Variants in MACROD1 observed in about 807,000 individuals in gnomAD.
The protein encoded by MACROD1 is ADP-ribose glycohydrolase MACROD1.
Under a neutral mutation model 41.4 loss-of-function variants are expected in MACROD1, and 31 were observed. That is an observed-to-expected ratio of 0.75 (90% CI 0.56 to 1.01). The LOEUF (loss-of-function observed/expected upper bound fraction) is 1.01, where lower values mean the gene tolerates loss of function less well. Among genes scored for constraint, MACROD1 ranks in the 50% least tolerant of loss-of-function variants. MACROD1 has a pLI of 0.00. For synonymous variants in MACROD1, 252 were observed against 203.4 expected (o/e 1.24, Z -2.03); for missense variants, 473 against 460.0 (o/e 1.03, Z -0.26).
intron 3 of MACROD1, among the ~76,000 whole-genome samples, chr11:64,037,978 G>A (rs1943414488): frequency 6.6e-6 from 1 of 152,188 alleles, no homozygotes; most frequent in South Asian, 2.1e-4. Context: ...GATTCTCAAG[G>A]GCTGAGGGTA....
intron 3 of MACROD1, among the ~76,000 whole-genome samples, chr11:64,050,193 C>T (rs1193008978): frequency 6.6e-6 from 1 of 152,122 alleles, no homozygotes; most frequent in Non-Finnish European, 1.5e-5. Context: ...ATCCCTCCCT[C>T]CCTAGACCCC....
intron 3 of MACROD1, among the ~76,000 whole-genome samples, chr11:64,141,024 A>G (rs1945405445): frequency 6.6e-6 from 1 of 152,098 alleles, no homozygotes; most frequent in African/African-American, 2.4e-5. Context: ...GGTCCCAGCA[A>G]CTCGGGAGGC....
intron 3 of MACROD1, among the ~76,000 whole-genome samples, chr11:64,092,170 C>T (rs1387592319): frequency 6.6e-6 from 1 of 152,244 alleles, no homozygotes; most frequent in Non-Finnish European, 1.5e-5. Flanking sequence ...GGTGGAGTCA[C>T]TGCACAGTCT....
chr11:64,030,437 T>C (rs1292858003), intron 3 of MACROD1, among the ~76,000 whole-genome samples: 2 of 151,970 alleles, frequency 1.3e-5, no homozygotes, highest in Admixed American at 6.6e-5. Context: ...GTAGCAGGGG[T>C]TGGGGACATG....
intron 1 of MACROD1, among the ~76,000 whole-genome samples, chr11:64,159,750 C>T (rs747483303): frequency 1.3e-5 from 2 of 152,070 alleles, no homozygotes; most frequent in African/African-American, 4.8e-5. Context: ...GCCGAGATTG[C>T]GCCACTGCAC....
chr11:64,014,003 C>A (rs529986435), intron 4 of MACROD1, among the ~76,000 whole-genome samples: 15 of 152,292 alleles, frequency 9.8e-5, no homozygotes, highest in African/African-American at 3.6e-4. Flanking sequence ...CCCCACACCA[C>A]AGATCACCCT....
intron 1 of MACROD1, among the ~76,000 whole-genome samples, chr11:64,154,774 G>A (rs1945641554): frequency 1.3e-5 from 2 of 152,150 alleles, no homozygotes; most frequent in South Asian, 4.1e-4. Context: ...AGGCTGGAGT[G>A]CAGTGGCACG....
At chr11:63,999,080 G>T in intron 8 of MACROD1, 44 bp from the exon 9 acceptor site, 1 of 1,537,720 alleles carries the variant, frequency 6.5e-7, no homozygotes. Flanking sequence ...GCCACGCCTG[G>T]CCCCAGGATC....
chr11:64,121,436 T>C (rs1236697819), intron 3 of MACROD1, among the ~76,000 whole-genome samples: 1 of 152,230 alleles, frequency 6.6e-6, no homozygotes, highest in Non-Finnish European at 1.5e-5. Context: ...TTTCTCATCT[T>C]TTCTGCCCCT....
At chr11:64,094,530 T>A (rs1944543136) in intron 3 of MACROD1, among the ~76,000 whole-genome samples, 1 of 147,648 alleles carries the variant, frequency 6.8e-6, no homozygotes, top group Non-Finnish European at 1.5e-5. Flanking sequence ...CAGTTAGAAA[T>A]GAATGGCAGG....
At chr11:64,116,661 C>G in intron 3 of MACROD1, 1 of 1,614,016 alleles carries the variant, frequency 6.2e-7, no homozygotes, top group South Asian at 1.1e-5. Context: ...CCTCCGGGAG[C>G]TGCACCTGCA....
chr11:64,066,294 CAAAAAAAAAAAAAA>C (rs59963244), intron 3 of MACROD1, among the ~76,000 whole-genome samples: 5 of 50,936 alleles, frequency 9.8e-5, no homozygotes, highest in Admixed American at 2.1e-4. Context: ...GAGACTGTCT[CAAAAAAAAAAAAAA>C]AAAAAAAAAA....
At chr11:64,047,763 G>T (rs1943611998) in intron 3 of MACROD1, among the ~76,000 whole-genome samples, 1 of 152,082 alleles carries the variant, frequency 6.6e-6, no homozygotes. Flanking sequence ...TGGGCATGGT[G>T]GCAGGTGCCT....
chr11:64,111,856 C>T (rs1482196764), intron 3 of MACROD1, among the ~76,000 whole-genome samples: 1 of 152,200 alleles, frequency 6.6e-6, no homozygotes, highest in Non-Finnish European at 1.5e-5. Context: ...CCTGGGATGG[C>T]CCTGGGCAAA....
At chr11:64,119,966 G>A (rs374832191) in intron 3 of MACROD1, among the ~76,000 whole-genome samples, 71 of 152,284 alleles carry the variant, frequency 4.7e-4, no homozygotes, top group Admixed American at 2.2e-3. Flanking sequence ...CTTGTTCTGC[G>A]CCAAGGAAAA....
intron 4 of MACROD1, among the ~76,000 whole-genome samples, chr11:64,009,833 C>T (rs1212943245): frequency 6.6e-6 from 1 of 152,244 alleles, no homozygotes; most frequent in Non-Finnish European, 1.5e-5. Flanking sequence ...CGCACATTTG[C>T]CGTAAAAACA....
chr11:64,123,173 C>T (rs1945125575), intron 3 of MACROD1, among the ~76,000 whole-genome samples: 1 of 152,228 alleles, frequency 6.6e-6, no homozygotes, highest in South Asian at 2.1e-4. Flanking sequence ...AGACCCTGCT[C>T]TCAGGGCCAG....
At chr11:63,999,817 C>T (rs1942788386) in intron 5 of MACROD1, 54 bp from the exon 6 acceptor site, 2 of 1,561,000 alleles carry the variant, frequency 1.3e-6, no homozygotes, top group African/African-American at 1.3e-5. Context: ...CCTCAGCTCC[C>T]TCGCTTCCCC....
At chr11:64,000,441 C>T (rs1942803463) in intron 4 of MACROD1, 98 bp from the exon 5 acceptor site, 6 of 736,502 alleles carry the variant, frequency 8.1e-6, no homozygotes, top group South Asian at 2.3e-5. Context: ...ATGCGAGGAC[C>T]CATGCGGAGC....
Sources: allele counts gnomAD v4.1 joint callset (sites outside exome capture counted in the v4.1 genomes callset), GRCh38; gene constraint gnomAD v4.1.1; transcripts MANE v1.5; gene names NCBI Gene and HGNC (gene_info 2026-07-23, HGNC 2026-07-21).